The following SEC14L1 variants were observed in gnomAD, a reference collection of about 807,000 sequenced individuals.
SEC14L1 encodes the protein SEC14-like protein 1.
SEC14L1 carries 48 observed loss-of-function variants against 85.3 expected under a neutral mutation model. The ratio of observed to expected loss-of-function variants is 0.56; its 90% CI spans 0.45 to 0.72. The LOEUF is 0.72. Ranked by LOEUF, SEC14L1 falls within the 30% of genes least tolerant of loss-of-function variation. SEC14L1 has a pLI of 0.00. For missense variants in SEC14L1, 682 were observed against 921.4 expected, an observed-to-expected ratio of 0.74 and a Z score of 3.36; for synonymous variants, 391 against 355.5, an observed-to-expected ratio of 1.10 and a Z score of -1.12.
intron 8 of SEC14L1, among the ~76,000 whole-genome samples, chr17:77,199,929 G>A (rs1390139207): frequency 3.3e-5 from 5 of 152,182 alleles, no homozygotes; most frequent in African/African-American, 1.2e-4. Context: ...AACACTTTGG[G>A]AGGCCAAGGC....
intron 9 of SEC14L1, among the ~76,000 whole-genome samples, chr17:77,202,058 A>C (rs1466312647): frequency 1.3e-5 from 2 of 152,124 alleles, no homozygotes; most frequent in African/African-American, 4.8e-5. Flanking sequence ...GAGGCTAGGC[A>C]GTGCTGACTC....
intron 3 of SEC14L1, chr17:77,094,923 G>T (rs1971604337): frequency 6.6e-6 from 1 of 151,174 alleles, no homozygotes; most frequent in Non-Finnish European, 1.5e-5. Flanking sequence ...GTTAAGATGT[G>T]ATATATACTG....
chr17:77,121,029 C>T (rs193005009), intron 3 of SEC14L1, among the ~76,000 whole-genome samples: 7 of 152,284 alleles, frequency 4.6e-5, no homozygotes, highest in Non-Finnish European at 8.8e-5. Flanking sequence ...CTGCCTAATC[C>T]GGGTGAGGTG....
chr17:77,175,530 TATCC>T (rs775264912), intron 3 of SEC14L1, among the ~76,000 whole-genome samples: 5 of 152,224 alleles, frequency 3.3e-5, no homozygotes, highest in Non-Finnish European at 7.3e-5. Flanking sequence ...GGCATGGACT[TATCC>T]TATAACCTTC....
upstream of SEC14L1, among the ~76,000 whole-genome samples, chr17:77,136,317 C>T (rs1972798412): frequency 6.7e-6 from 1 of 149,994 alleles, no homozygotes; most frequent in African/African-American, 2.5e-5. Flanking sequence ...CTGCCCTGCC[C>T]TCCCTCTCCC....
intron 3 of SEC14L1, among the ~76,000 whole-genome samples, chr17:77,187,124 C>T (rs574654330): frequency 6.6e-6 from 1 of 152,222 alleles, no homozygotes; most frequent in East Asian, 1.9e-4. Flanking sequence ...TTGAGATGCT[C>T]AACCAGTAAG....
intron 3 of SEC14L1, among the ~76,000 whole-genome samples, chr17:77,173,448 A>T: frequency 6.7e-6 from 1 of 148,874 alleles, no homozygotes; most frequent in African/African-American, 2.5e-5. Flanking sequence ...AAAGGATCCC[A>T]TGTGGGTTGC....
At chr17:77,212,874 G>A (rs1976835340) in intron 15 of SEC14L1, 1 of 178,342 alleles carries the variant, frequency 5.6e-6, no homozygotes, top group African/African-American at 2.4e-5. Context: ...GAATGGAGAA[G>A]GAGCTTTCCA....
chr17:77,111,772 A>G (rs1972054243), intron 3 of SEC14L1, among the ~76,000 whole-genome samples: 1 of 152,168 alleles, frequency 6.6e-6, no homozygotes, highest in African/African-American at 2.4e-5. Context: ...AGTTGCTTTC[A>G]ATTTTACAGG....
rs141785821 is a variant in SEC14L1 at position 77,096,571 on chromosome 17, C to T, written c.-136+3224C>T. 6.8e-3 allele frequency among the ~76,000 whole-genome samples: 1,030 copies of T among 151,862 alleles called. 11 individuals are homozygous for T. The highest frequency in any genetic ancestry group is 0.026 in the South Asian group (125 of 4,794). On this transcript the variant is annotated intron_variant, in intron 3 of 19. Coordinates refer to the SEC14L1 transcript ENST00000392476. ...CTCCATCTCAAAAAAAAAAAGTCACCGTGGGACACAAGCCCTGTATCAGAA... is the reference window on the plus strand; with the variant it reads ...CTCCATCTCAAAAAAAAAAAGTCACTGTGGGACACAAGCCCTGTATCAGAA...
chr17:77,201,516 TCTC>T (rs1976143608), intron 9 of SEC14L1, among the ~76,000 whole-genome samples: 1 of 150,384 alleles, frequency 6.6e-6, no homozygotes, highest in Admixed American at 6.7e-5. Context: ...AGTGGCAAGA[TCTC>T]AGCCTACTGC....
At chr17:77,150,070 G>A (rs1395540982) in intron 3 of SEC14L1, among the ~76,000 whole-genome samples, 1 of 152,132 alleles carries the variant, frequency 6.6e-6, no homozygotes, top group East Asian at 1.9e-4. Flanking sequence ...CACAGTTGTC[G>A]ATTAAATGGC....
intron 3 of SEC14L1, among the ~76,000 whole-genome samples, chr17:77,179,390 T>C (rs531705079): frequency 6.6e-6 from 1 of 152,330 alleles, no homozygotes; most frequent in Admixed American, 6.5e-5. Flanking sequence ...TTCTTTCAGC[T>C]ATAATTAATG....
intron 3 of SEC14L1, among the ~76,000 whole-genome samples, chr17:77,134,578 A>C (rs1255579118): frequency 1.3e-5 from 2 of 152,000 alleles, no homozygotes; most frequent in Non-Finnish European, 2.9e-5. Context: ...CAAAAAATAC[A>C]AAAATTAGGC....
intron 3 of SEC14L1, among the ~76,000 whole-genome samples, chr17:77,150,382 C>G (rs1390000455): frequency 6.6e-6 from 1 of 152,164 alleles, no homozygotes; most frequent in African/African-American, 2.4e-5. Context: ...CACAGTCTCC[C>G]CCTCTCCCTT....
At chr17:77,119,752 T>C (rs935327083) in intron 3 of SEC14L1, among the ~76,000 whole-genome samples, 4 of 152,204 alleles carry the variant, frequency 2.6e-5, no homozygotes, top group Admixed American at 6.6e-5. Context: ...ACTTCTATTA[T>C]GTACATAATC....
At chr17:77,135,207 T>C (rs1289556598) in intron 3 of SEC14L1, among the ~76,000 whole-genome samples, 1 of 152,224 alleles carries the variant, frequency 6.6e-6, no homozygotes, top group African/African-American at 2.4e-5. Flanking sequence ...CCTCTCTGCT[T>C]ATCAGCATCC....
chr17:77,106,591 A>G (rs1018255271), intron 3 of SEC14L1, among the ~76,000 whole-genome samples: 4 of 152,014 alleles, frequency 2.6e-5, no homozygotes, highest in Admixed American at 6.6e-5. Flanking sequence ...ACCTGAGGTC[A>G]GGAGTTCGAG....
At chr17:77,175,473 A>G (rs1225125699) in intron 3 of SEC14L1, among the ~76,000 whole-genome samples, 1 of 152,266 alleles carries the variant, frequency 6.6e-6, no homozygotes. Flanking sequence ...AGGATTGCAC[A>G]TAACTGTTGC....
Sources: allele counts gnomAD v4.1 joint callset (sites outside exome capture counted in the v4.1 genomes callset), GRCh38; gene constraint gnomAD v4.1.1; transcripts MANE v1.5; gene names NCBI Gene and HGNC (gene_info 2026-07-23, HGNC 2026-07-21).